The following TET1 variants were observed in gnomAD, a reference collection of about 807,000 sequenced individuals.
TET1 encodes tet methylcytosine dioxygenase 1.
A neutral mutation model predicts 148.7 loss-of-function variants in TET1; 13 were observed. That is an observed-to-expected ratio of 0.09 (90% CI 0.06 to 0.14). TET1 has a LOEUF of 0.14. Among genes scored for constraint, TET1 ranks in the 10% least tolerant of loss-of-function variants. TET1 has a pLI of 1.00. For synonymous variants in TET1, 907 were observed against 937.2 expected, an observed-to-expected ratio of 0.97 and a Z score of 0.59; for missense variants, 2,182 against 2,553.8, an observed-to-expected ratio of 0.85 and a Z score of 3.14.
rs1216686094 is a variant in TET1, at chr10:68,691,282, A to T, written c.5879A>T (p.Asp1960Val). The change falls in exon 12 of 12, where the codon GAT (aspartate) becomes GTT (valine). Residue 1960 changes from aspartate (D) to valine (V), a missense_variant. This residue lies in a region of TET1 where 380 missense variants were observed against 387.9 expected (regional missense o/e 0.98). Transcript: ENST00000373644. This position sits in a 1 kb window ranked among gnomAD's most constrained non-coding sequence, Gnocchi z 4.4. ...CTTGCCTCTTCTCCAATGGAAGAAG[A>T]TGAGCAGCATTCTGAAGCAGATGAG... ...QDLASSPMEE[D>V]EQHSEADEPP... is the part of the protein sequence containing the mutation. 1.9e-6 allele frequency: 3 copies of T among 1,614,056 alleles called. No individual in the cohort carries two copies. Among genetic ancestry groups the T allele is most frequent in the Non-Finnish European group, 2.5e-6 (3 of 1,180,046 alleles).
chr10:68,586,607 A>G (rs1314299680), intron 2 of TET1, among the ~76,000 whole-genome samples: 2 of 147,526 alleles, frequency 1.4e-5, no homozygotes, highest in African/African-American at 5.0e-5. Flanking sequence ...TGCTGGTATT[A>G]CAGGCATGAG....
rs1327178282 is a variant in TET1, at chr10:68,645,176, T to C, written c.2447T>C (p.Leu816Pro). 3 of 1,614,140 alleles carry C rather than the reference T, an allele frequency of 1.9e-6. No homozygotes were observed. Among genetic ancestry groups the C allele is most frequent in the Non-Finnish European group, 1.7e-6 (2 of 1,179,974 alleles). ...SVATDMSCDH[L>P]KGRSNVLVFQ... Reference sequence around the variant, plus strand: ...GCTACTGATATGAGTTGTGATCATCTCAAGGGGAGAAGTAACGTTTTAGTA... The same window carrying C: ...GCTACTGATATGAGTTGTGATCATCCCAAGGGGAGAAGTAACGTTTTAGTA... The change falls in exon 4 of 12, where the codon CTC (leucine) becomes CCC (proline). Residue 816 changes from leucine (L) to proline (P), a missense_variant. Leu to Pro is a moderately conservative substitution (Grantham distance 98). Transcript: ENST00000373644.
intron 2 of TET1, among the ~76,000 whole-genome samples, chr10:68,584,612 G>A (rs560451610): frequency 4.9e-4 from 74 of 150,478 alleles, no homozygotes; most frequent in Non-Finnish European, 8.7e-4. Context: ...GGGAGGCTGA[G>A]GCAGGAGAAT....
chr10:68,684,487 C>G (rs867701622), intron 10 of TET1, among the ~76,000 whole-genome samples: 3 of 151,390 alleles, frequency 2.0e-5, no homozygotes, highest in African/African-American at 7.3e-5. Flanking sequence ...CTGGTAAATA[C>G]TAGCCAGGCA....
At chr10:68,678,717 C>G (rs7071382) in intron 8 of TET1, among the ~76,000 whole-genome samples, 115,964 of 151,288 alleles carry the variant, frequency 0.77, 44,913 homozygotes, top group Middle Eastern at 0.84. Flanking sequence ...ACCACTGCAC[C>G]CCCCCACACA....
chr10:68,673,643 A>G (rs2055304473), intron 8 of TET1, among the ~76,000 whole-genome samples: 1 of 152,120 alleles, frequency 6.6e-6, no homozygotes, highest in Non-Finnish European at 1.5e-5. Context: ...AATAGGAACT[A>G]AGTATTCTAA....
intron 6 of TET1, among the ~76,000 whole-genome samples, chr10:68,665,704 A>G (rs1304644341): frequency 4.6e-5 from 7 of 151,988 alleles, no homozygotes; most frequent in African/African-American, 1.7e-4. Context: ...CTATATATAT[A>G]TATAATTTTG....
intron 2 of TET1, among the ~76,000 whole-genome samples, chr10:68,584,573 G>A (rs1210347274): frequency 6.7e-6 from 1 of 150,306 alleles, no homozygotes; most frequent in African/African-American, 2.5e-5. Flanking sequence ...GCCAGGCGTG[G>A]TGGCATGCAC....
intron 3 of TET1, among the ~76,000 whole-genome samples, chr10:68,624,602 C>CTTTCTTTCTTTCTTTCTT (rs1554937995): frequency 1.8e-5 from 2 of 113,852 alleles, no homozygotes; most frequent in African/African-American, 3.3e-5. Context: ...TTTTCTTTTT[C>CTTTCTTTCTTTCTTTCTT]TCTTTCTTTC....
At chr10:68,622,254 C>T (rs1228521052) in intron 3 of TET1, among the ~76,000 whole-genome samples, 1 of 141,208 alleles carries the variant, frequency 7.1e-6, no homozygotes, top group Non-Finnish European at 1.5e-5. Flanking sequence ...TCCCTCCCTC[C>T]TTCCCTCTCT....
chr10:68,596,021 C>CATATATATAT (rs1271069239), intron 2 of TET1, among the ~76,000 whole-genome samples: 6 of 102,708 alleles, frequency 5.8e-5, no homozygotes, highest in African/African-American at 2.9e-4. Flanking sequence ...CACACACACA[C>CATATATATAT]ACACACATAT....
chr10:68,626,106 A>G (rs1241245650), intron 3 of TET1, among the ~76,000 whole-genome samples: 2 of 15,744 alleles, frequency 1.3e-4, no homozygotes, highest in Non-Finnish European at 2.7e-4. Flanking sequence ...AAGAAAAAAA[A>G]AAAGAAAAGA....
intron 3 of TET1, among the ~76,000 whole-genome samples, chr10:68,639,741 C>G (rs907693448): frequency 6.6e-6 from 1 of 152,158 alleles, no homozygotes; most frequent in Non-Finnish European, 1.5e-5. Context: ...GCTGGGAATA[C>G]AGGCGTGAGC....
chr10:68,651,343 A>T (rs1185859493), intron 4 of TET1, among the ~76,000 whole-genome samples: 2 of 152,018 alleles, frequency 1.3e-5, no homozygotes, highest in African/African-American at 4.8e-5. Flanking sequence ...AGTCCCAGCT[A>T]CTTGGGAGGC....
intron 2 of TET1, among the ~76,000 whole-genome samples, chr10:68,581,606 C>A (rs1367464684): frequency 6.6e-6 from 1 of 152,128 alleles, no homozygotes; most frequent in African/African-American, 2.4e-5. Context: ...CTTTAGGAGG[C>A]CGTGGCAGGC....
intron 1 of TET1, among the ~76,000 whole-genome samples, chr10:68,571,565 A>C (rs2053670288): frequency 6.7e-6 from 1 of 149,194 alleles, no homozygotes; most frequent in East Asian, 2.0e-4. Context: ...TGCGCCTGGC[A>C]ATTTTTGTAT....
chr10:68,567,452 G>A (rs1266588201), intron 1 of TET1, among the ~76,000 whole-genome samples: 4 of 151,816 alleles, frequency 2.6e-5, no homozygotes, highest in Admixed American at 6.6e-5. Flanking sequence ...ATACCACCAC[G>A]CCCGGCTAAT....
chr10:68,594,487 C>G (rs2053955522), intron 2 of TET1, among the ~76,000 whole-genome samples: 1 of 152,114 alleles, frequency 6.6e-6, no homozygotes, highest in African/African-American at 2.4e-5. Flanking sequence ...AGATCTGGCC[C>G]CTTGGGAGAG....
intron 7 of TET1, among the ~76,000 whole-genome samples, chr10:68,667,930 C>A (rs2055216440): frequency 6.6e-6 from 1 of 152,078 alleles, no homozygotes; most frequent in Admixed American, 6.6e-5. Context: ...AAGAGAATAT[C>A]TGTTTTTCTG....
Sources: allele counts gnomAD v4.1 joint callset (sites outside exome capture counted in the v4.1 genomes callset), GRCh38; gene constraint gnomAD v4.1.1; regional missense constraint gnomAD v4.1.1; non-coding constraint Gnocchi (gnomAD v3.1); transcripts MANE v1.5; gene names NCBI Gene and HGNC (gene_info 2026-07-23, HGNC 2026-07-21).